DLG2: variants seen among roughly 807,000 people sequenced by gnomAD.
The protein encoded by DLG2 is disks large homolog 2.
A neutral mutation model predicts 132.5 loss-of-function variants in DLG2; 45 were observed. The ratio of observed to expected loss-of-function variants is 0.34; its 90% CI spans 0.27 to 0.44. The LOEUF (loss-of-function observed/expected upper bound fraction) is 0.44. DLG2 is among the 20% of genes least tolerant of loss of function. The pLI, the probability that DLG2 is intolerant of heterozygous loss-of-function variation, is 1.00. For synonymous variants in DLG2, 424 were observed against 419.6 expected (o/e 1.01, Z -0.13); for missense variants, 1,045 against 1,196.9 (o/e 0.87, Z 1.87).
chr11:84,587,634 C>A (rs985550575), intron 6 of DLG2, among the ~76,000 whole-genome samples: 1 of 152,106 alleles, frequency 6.6e-6, no homozygotes, highest in African/African-American at 2.4e-5. Context: ...CCCAGTGCAT[C>A]TGATGGCAGA....
chr11:85,122,878 A>G (rs1372577326), intron 5 of DLG2, among the ~76,000 whole-genome samples: 2 of 146,244 alleles, frequency 1.4e-5, no homozygotes, highest in East Asian at 2.0e-4. Context: ...ACACATATAT[A>G]TGTATATTTA....
At chr11:85,461,508 A>G (rs1158095010) in intron 3 of DLG2, among the ~76,000 whole-genome samples, 1 of 152,238 alleles carries the variant, frequency 6.6e-6, no homozygotes, top group Admixed American at 6.5e-5. Flanking sequence ...TGAGTGGAGT[A>G]TATACTGTAG....
intron 6 of DLG2, among the ~76,000 whole-genome samples, chr11:84,627,421 C>T (rs1216056297): frequency 2.0e-5 from 3 of 152,184 alleles, no homozygotes; most frequent in African/African-American, 7.2e-5. Flanking sequence ...TACACATATA[C>T]TACAAAAATT....
At chr11:85,024,009 G>A (rs1241400247) in intron 6 of DLG2, among the ~76,000 whole-genome samples, 2 of 152,002 alleles carry the variant, frequency 1.3e-5, no homozygotes, top group African/African-American at 2.4e-5. Flanking sequence ...AAGATAATCC[G>A]AGAATTTGTC....
At chr11:85,446,793 A>ATGTGTATG (rs138712642) in intron 3 of DLG2, among the ~76,000 whole-genome samples, 1 of 145,114 alleles carries the variant, frequency 6.9e-6, no homozygotes, top group Non-Finnish European at 1.5e-5. Flanking sequence ...GATATAGTAT[A>ATGTGTATG]TGTGTGTGTG....
intron 6 of DLG2, among the ~76,000 whole-genome samples, chr11:84,802,276 T>C (rs931192041): frequency 3.9e-5 from 6 of 151,920 alleles, no homozygotes; most frequent in African/African-American, 1.5e-4. Flanking sequence ...ATAGGAATAA[T>C]AGGAAAGATG....
At chr11:85,536,616 T>A (rs1386187029) in intron 3 of DLG2, among the ~76,000 whole-genome samples, 1 of 152,046 alleles carries the variant, frequency 6.6e-6, no homozygotes, top group Non-Finnish European at 1.5e-5. Context: ...CAGGGAAGTG[T>A]GAAGAGAGAG....
chr11:83,509,211 T>A (rs1016332000), intron 21 of DLG2, among the ~76,000 whole-genome samples: 7 of 152,230 alleles, frequency 4.6e-5, no homozygotes, highest in Admixed American at 4.6e-4. Context: ...GAGTCCTTGC[T>A]AATAAGTTTG....
chr11:83,490,262 A>T (rs1041111853), intron 21 of DLG2, among the ~76,000 whole-genome samples: 2 of 151,998 alleles, frequency 1.3e-5, no homozygotes, highest in Non-Finnish European at 2.9e-5. Context: ...GCATATGAAA[A>T]GACACAAACA....
chr11:83,890,279 A>C (rs2069366399), intron 15 of DLG2, among the ~76,000 whole-genome samples: 1 of 152,114 alleles, frequency 6.6e-6, no homozygotes, highest in Non-Finnish European at 1.5e-5. Flanking sequence ...AATTTTTCAG[A>C]ATAACACACT....
At chr11:83,917,095 T>G (rs1375309202) in intron 15 of DLG2, among the ~76,000 whole-genome samples, 1 of 152,212 alleles carries the variant, frequency 6.6e-6, no homozygotes, top group Non-Finnish European at 1.5e-5. Context: ...TCTTTCCATT[T>G]CTTTTTACTT....
chr11:83,668,494 C>G (rs1035645547), intron 18 of DLG2, among the ~76,000 whole-genome samples: 1 of 152,074 alleles, frequency 6.6e-6, no homozygotes, highest in African/African-American at 2.4e-5. Flanking sequence ...TTTTCTTAGC[C>G]CTACTAAGTA....
chr11:85,330,856 G>A (rs2081677512), intron 3 of DLG2, among the ~76,000 whole-genome samples: 3 of 147,106 alleles, frequency 2.0e-5, no homozygotes, highest in East Asian at 4.0e-4. Flanking sequence ...CTTTTCCAGA[G>A]TCTGCTCAAA....
intron 6 of DLG2, among the ~76,000 whole-genome samples, chr11:84,788,820 C>T (rs1209249410): frequency 2.0e-5 from 3 of 152,082 alleles, no homozygotes; most frequent in African/African-American, 4.8e-5. Flanking sequence ...ACTCAATAAA[C>T]AAATGTATCA....
chr11:84,522,229 T>C (rs986318636), intron 7 of DLG2, among the ~76,000 whole-genome samples: 9 of 151,742 alleles, frequency 5.9e-5, no homozygotes, highest in African/African-American at 2.2e-4. Flanking sequence ...ACATGTAATA[T>C]GAAGCAGTGA....
chr11:84,912,342 G>A (rs757456853), intron 6 of DLG2, among the ~76,000 whole-genome samples: 4 of 152,158 alleles, frequency 2.6e-5, no homozygotes, highest in South Asian at 2.1e-4. Context: ...TTTTTTGGTA[G>A]AGACAGGGTT....
intron 18 of DLG2, among the ~76,000 whole-genome samples, chr11:83,684,070 C>T (rs1461982007): frequency 6.6e-6 from 1 of 152,060 alleles, no homozygotes; most frequent in African/African-American, 2.4e-5. Flanking sequence ...CCACAAAACC[C>T]ATAAAAACAA....
intron 6 of DLG2, among the ~76,000 whole-genome samples, chr11:84,722,934 T>C (rs1212778090): frequency 1.3e-5 from 2 of 152,168 alleles, no homozygotes; most frequent in Non-Finnish European, 2.9e-5. Context: ...ATGTACTAGG[T>C]CACATTTTAG....
chr11:84,048,912 C>T (rs1332313422), intron 11 of DLG2, among the ~76,000 whole-genome samples: 1 of 151,594 alleles, frequency 6.6e-6, no homozygotes, highest in Non-Finnish European at 1.5e-5. Context: ...AATTTTGGTG[C>T]AGACAGTCTC....
Sources: gnomAD v4.1 joint callset for allele counts (sites outside exome capture counted in the v4.1 genomes callset) on GRCh38, gnomAD v4.1.1 for gene constraint, MANE v1.5 for transcripts, NCBI Gene and HGNC (gene_info 2026-07-23, HGNC 2026-07-21) for gene names.